Variants in DNAH7 observed in about 807,000 individuals in gnomAD.
DNAH7 encodes the protein dynein axonemal heavy chain 7.
In DNAH7, 397 loss-of-function variants were observed where a neutral mutation model predicts 444.6. The ratio of observed to expected loss-of-function variants is 0.89; its 90% CI spans 0.82 to 0.97. DNAH7 has a LOEUF of 0.97. DNAH7 is among the 50% of genes least tolerant of loss of function. The probability of loss-of-function intolerance (pLI) is 0.00; values close to 1 mark genes in which losing one functional copy is unlikely to be tolerated. For missense variants in DNAH7, 4,902 were observed against 4,800.8 expected (o/e 1.02, Z -0.62); for synonymous variants, 1,636 against 1,624.4 (o/e 1.01, Z -0.17).
At position 196,025,291 on chromosome 2, in the gene DNAH7, T is replaced by G. The variant is rs938710079; in HGVS notation, c.668-787A>C. The stretch of plus-strand genomic sequence containing the variant: ...TCAGAGAAGTCAGCTACCTCGCTTC[T>G]GTCTTCTATGGTCTTTAATTCACAT... On this transcript the variant is annotated intron_variant, in intron 7 of 64. Transcript: ENST00000312428. Among the ~76,000 whole-genome samples, 5 of 152,210 alleles carry G rather than the reference T, an allele frequency of 3.3e-5. 1 individual carries two copies. Among genetic ancestry groups the G allele is most frequent in the African/African-American group, 1.2e-4 (5 of 41,452 alleles).
At chr2:195,962,267 T>TA (rs1302960708) in intron 17 of DNAH7, among the ~76,000 whole-genome samples, 3 of 152,228 alleles carry the variant, frequency 2.0e-5, no homozygotes, top group Admixed American at 2.0e-4. Flanking sequence ...GATAGCGGTA[T>TA]ACAATGCCTA....
At chr2:196,002,674 G>A (rs763172611) in intron 10 of DNAH7, among the ~76,000 whole-genome samples, 9 of 152,110 alleles carry the variant, frequency 5.9e-5, no homozygotes, top group Non-Finnish European at 1.2e-4. Flanking sequence ...TGTGTTAAGT[G>A]TCTACTACAT....
At chr2:195,918,768 G>C (rs548810950) in intron 24 of DNAH7, among the ~76,000 whole-genome samples, 3 of 152,226 alleles carry the variant, frequency 2.0e-5, no homozygotes, top group African/African-American at 7.2e-5. Flanking sequence ...ATTATATGTG[G>C]AGCAAGGGGG....
intron 10 of DNAH7, among the ~76,000 whole-genome samples, chr2:196,008,945 C>G (rs534839847): frequency 6.6e-6 from 1 of 151,406 alleles, no homozygotes; most frequent in South Asian, 2.1e-4. Flanking sequence ...GCATCTGATT[C>G]CAGTGAAGGC....
At chr2:195,922,684 A>G (rs2125353251) in intron 23 of DNAH7, among the ~76,000 whole-genome samples, 1 of 152,118 alleles carries the variant, frequency 6.6e-6, no homozygotes, top group Non-Finnish European at 1.5e-5. Context: ...GACTTCCACA[A>G]AAGCCTATAT....
intron 27 of DNAH7, 137 bp downstream of exon 27, chr2:195,906,522 T>G: frequency 1.7e-6 from 1 of 605,300 alleles, no homozygotes; most frequent in Non-Finnish European, 2.6e-6. Context: ...AACACCTGAG[T>G]TCAAGTGATC....
At chr2:196,052,966 G>C (rs1697571479) in intron 2 of DNAH7, among the ~76,000 whole-genome samples, 1 of 152,206 alleles carries the variant, frequency 6.6e-6, no homozygotes, top group South Asian at 2.1e-4. Context: ...TAGGACTACA[G>C]ACTAAGATAC....
chr2:195,883,637 CTTAAT>C (rs1269872852), intron 35 of DNAH7, among the ~76,000 whole-genome samples: 28 of 152,182 alleles, frequency 1.8e-4, no homozygotes, highest in African/African-American at 6.7e-4. Context: ...TTGCAGAAAG[CTTAAT>C]AAACTGTAAA....
chr2:196,002,488 A>G (rs905008079), intron 10 of DNAH7, among the ~76,000 whole-genome samples: 3 of 152,206 alleles, frequency 2.0e-5, no homozygotes, highest in African/African-American at 7.2e-5. Context: ...ATAATAAGCA[A>G]AGTTTTCAAC....
At chr2:196,066,992 G>C (rs1202034711) in intron 1 of DNAH7, among the ~76,000 whole-genome samples, 1 of 152,180 alleles carries the variant, frequency 6.6e-6, no homozygotes, top group Non-Finnish European at 1.5e-5. Flanking sequence ...GCCCTCTGCT[G>C]TTCAAAAATA....
Position 196,000,831 on chromosome 2 carries a change from T to C in DNAH7, c.1226A>G (p.Asp409Gly), listed in dbSNP as rs750254098. 35 of 1,607,202 alleles carry C rather than the reference T, an allele frequency of 2.2e-5. No homozygotes were observed. In the Admixed American group the frequency reaches 5.4e-4, roughly 25 times the overall value. Residue 409 changes from aspartate (D) to glycine (G), a missense_variant, in exon 12 of 65, where the codon GAT (aspartate) becomes GGT (glycine). By Grantham distance (94) the Asp-to-Gly change is moderately conservative (BLOSUM62 -1). Coordinates refer to ENST00000312428, the MANE Select transcript of DNAH7 (RefSeq NM_018897.3). ...HPGFIMRLIL[D>G]NDTIKFEPEL... is the part of the protein sequence containing the mutation. ...AGGTTCAAACTTAATGGTGTCATTA[T>C]CAAGAATCAGCCTCATGATGAAACC... is the stretch of plus-strand genomic sequence containing the variant.
chr2:195,754,176 A>G (rs1025387133), intron 63 of DNAH7, among the ~76,000 whole-genome samples, 161 bp downstream of exon 63: 1 of 151,670 alleles, frequency 6.6e-6, no homozygotes, highest in East Asian at 1.9e-4. Context: ...CACCTGGCTC[A>G]CTCATTTGCT....
chr2:195,926,705 C>A, intron 21 of DNAH7, 139 bp from the exon 22 acceptor site: 1 of 662,062 alleles, frequency 1.5e-6, no homozygotes, highest in Non-Finnish European at 2.3e-6. Context: ...TCACTTAAAC[C>A]GTGTGATTAC....
chr2:195,970,149 A>C, intron 16 of DNAH7, 55 bp from the exon 17 acceptor site: 1 of 1,504,924 alleles, frequency 6.6e-7, no homozygotes, highest in African/African-American at 1.4e-5. Context: ...CCTTGCTGTC[A>C]AAAAATTTTA....
intron 21 of DNAH7, among the ~76,000 whole-genome samples, chr2:195,927,394 G>A (rs1167385772): frequency 1.3e-5 from 2 of 151,986 alleles, no homozygotes; most frequent in Non-Finnish European, 2.9e-5. Flanking sequence ...TTATAGAATG[G>A]AACAATGATA....
chr2:196,009,459 A>G (rs1369129339), intron 10 of DNAH7, among the ~76,000 whole-genome samples: 2 of 152,196 alleles, frequency 1.3e-5, no homozygotes, highest in Non-Finnish European at 2.9e-5. Flanking sequence ...AAAAAGTCCC[A>G]AGGTTTTCAA....
At chr2:195,920,004 T>C (rs775772557) in intron 24 of DNAH7, among the ~76,000 whole-genome samples, 1 of 152,172 alleles carries the variant, frequency 6.6e-6, no homozygotes, top group Non-Finnish European at 1.5e-5. Context: ...CATTAAAGCA[T>C]GGGACTGGAT....
intron 61 of DNAH7, among the ~76,000 whole-genome samples, chr2:195,765,530 GAA>G (rs1694531234): frequency 6.6e-6 from 1 of 152,116 alleles, no homozygotes; most frequent in Admixed American, 6.5e-5. Context: ...AACTCTGTAG[GAA>G]AAACTCTAAT....
chr2:195,886,601 C>T (rs1017422019), intron 33 of DNAH7, among the ~76,000 whole-genome samples: 1 of 152,114 alleles, frequency 6.6e-6, no homozygotes, highest in Non-Finnish European at 1.5e-5. Flanking sequence ...CAGTTAATTT[C>T]TATATCTAAA....
Sources: allele counts gnomAD v4.1 joint callset (sites outside exome capture counted in the v4.1 genomes callset), GRCh38; gene constraint gnomAD v4.1.1; transcripts MANE v1.5; gene names NCBI Gene and HGNC (gene_info 2026-07-23, HGNC 2026-07-21).